Variants in PLCH1 observed in about 807,000 individuals in gnomAD.
The protein encoded by PLCH1 is 1-phosphatidylinositol 4,5-bisphosphate phosphodiesterase eta-1.
In PLCH1, 60 loss-of-function variants were observed where a neutral mutation model predicts 126.7. That is an observed-to-expected ratio of 0.47 (90% CI 0.38 to 0.59). The LOEUF (loss-of-function observed/expected upper bound fraction) is 0.59. Ranked by LOEUF, PLCH1 falls within the 20% of genes least tolerant of loss-of-function variation. PLCH1 has a pLI of 0.00. For missense variants in PLCH1, 1,723 were observed against 2,040.0 expected, an observed-to-expected ratio of 0.84 and a Z score of 2.99; for synonymous variants, 719 against 734.9, an observed-to-expected ratio of 0.98 and a Z score of 0.35.
chr3:155,683,498 C>A (rs1314915357), intron 2 of PLCH1, among the ~76,000 whole-genome samples: 2 of 152,120 alleles, frequency 1.3e-5, no homozygotes, highest in African/African-American at 4.8e-5. Flanking sequence ...GAGCTTGCAG[C>A]CAGGGAACAC....
rs1173853158 is a variant in PLCH1, at chr3:155,480,814, A to T, written c.*154T>A. 1 of 649,826 alleles carries T rather than the reference A, an allele frequency of 1.5e-6. No individual in the cohort carries two copies. The highest frequency in any genetic ancestry group is 2.7e-6 in the Non-Finnish European group (1 of 375,562). 40.3% of individuals were successfully genotyped at this position (649,826 alleles called of 1,614,324 possible). A position where few individuals can be genotyped will look rare whatever the true frequency, so the allele number is the denominator to read the frequency against. ...TGTCACCAAATCTATATACAAACGC[A>T]TTAACAGGGAGAACACATGAAGTCA... On this transcript the variant is annotated 3_prime_UTR_variant, in exon 23 of 23. Transcript: ENST00000460012.
chr3:155,725,626 G>C (rs1748263155), intron 1 of PLCH1, among the ~76,000 whole-genome samples: 1 of 151,974 alleles, frequency 6.6e-6, no homozygotes, highest in African/African-American at 2.4e-5. Context: ...TTTTAGTAGA[G>C]ACGGGGTTTC....
chr3:155,517,370 T>A (rs77662671), intron 11 of PLCH1, among the ~76,000 whole-genome samples: 1 of 152,140 alleles, frequency 6.6e-6, no homozygotes, highest in African/African-American at 2.4e-5. Context: ...AAACCTGATA[T>A]CTTAAAACAA....
At chr3:155,660,594 C>T (rs766405566) in intron 2 of PLCH1, among the ~76,000 whole-genome samples, 6 of 152,202 alleles carry the variant, frequency 3.9e-5, no homozygotes, top group Non-Finnish European at 8.8e-5. Context: ...AGTGATCTAA[C>T]TACAGCTGCT....
chr3:155,638,574 C>T (rs1000833663), intron 2 of PLCH1, among the ~76,000 whole-genome samples: 1 of 152,190 alleles, frequency 6.6e-6, no homozygotes, highest in Admixed American at 6.5e-5. Flanking sequence ...TATGATTTTT[C>T]TGATTTTTCT....
chr3:155,513,472 A>G (rs912488134), intron 12 of PLCH1, among the ~76,000 whole-genome samples: 1 of 152,138 alleles, frequency 6.6e-6, no homozygotes, highest in Non-Finnish European at 1.5e-5. Flanking sequence ...TGGGGCAAAG[A>G]CTTCTCCAAA....
At chr3:155,638,816 T>A (rs1193828411) in intron 2 of PLCH1, among the ~76,000 whole-genome samples, 1 of 152,194 alleles carries the variant, frequency 6.6e-6, no homozygotes, top group Non-Finnish European at 1.5e-5. Context: ...CTAGAATGAG[T>A]AAACCTTCTG....
chr3:155,491,106 T>C (rs1483268713), intron 18 of PLCH1, among the ~76,000 whole-genome samples: 1 of 152,202 alleles, frequency 6.6e-6, no homozygotes, highest in East Asian at 1.9e-4. Flanking sequence ...CCACTGAACC[T>C]ACAACTTTAG....
At chr3:155,574,682 C>T (rs990687017) in intron 6 of PLCH1, among the ~76,000 whole-genome samples, 2 of 152,210 alleles carry the variant, frequency 1.3e-5, no homozygotes, top group Non-Finnish European at 2.9e-5. Context: ...AAACTAGCTA[C>T]CTCTAATTCA....
At chr3:155,743,592 T>G (rs1169740509) in intron 1 of PLCH1, 4 of 446,310 alleles carry the variant, frequency 9.0e-6, no homozygotes, top group South Asian at 6.3e-5. Flanking sequence ...TGTTAAGGCT[T>G]CTTGAAGCAT....
rs148631757 is a variant in PLCH1, at chr3:155,533,467, A to G, written c.1363-9463T>C. On this transcript the variant is annotated intron_variant, in intron 10 of 22. Coordinates refer to ENST00000460012, the MANE Select transcript of PLCH1 (RefSeq NM_014996.4). ...AGGCTGAGGCAGGAGAATTGCTTGA[A>G]CTCAGGAGGCGGAGGTTGCAGTAAG... Among the ~76,000 whole-genome samples the G allele has an allele frequency of 2.6e-5, 4 of 152,182 alleles. No homozygotes were observed. In the East Asian group the frequency reaches 5.8e-4, roughly 22 times the overall value.
At chr3:155,534,543 A>G (rs1723103767) in intron 10 of PLCH1, among the ~76,000 whole-genome samples, 1 of 152,190 alleles carries the variant, frequency 6.6e-6, no homozygotes, top group African/African-American at 2.4e-5. Context: ...TTTTGGGTTA[A>G]GCCTGGAAAG....
intron 2 of PLCH1, among the ~76,000 whole-genome samples, chr3:155,629,021 T>C (rs1205927495): frequency 6.6e-6 from 1 of 152,214 alleles, no homozygotes; most frequent in African/African-American, 2.4e-5. Flanking sequence ...TGGAGTCACT[T>C]CTCAGTCACA....
At chr3:155,706,824 T>G (rs553003992) in intron 1 of PLCH1, among the ~76,000 whole-genome samples, 1 of 152,162 alleles carries the variant, frequency 6.6e-6, no homozygotes, top group African/African-American at 2.4e-5. Context: ...ATGCTTGCAT[T>G]GGAACCCAGC....
intron 2 of PLCH1, among the ~76,000 whole-genome samples, chr3:155,682,498 C>T (rs1406229541): frequency 6.6e-6 from 1 of 152,218 alleles, no homozygotes; most frequent in Non-Finnish European, 1.5e-5. Flanking sequence ...ATTACAATCT[C>T]ATCAATCCTA....
At chr3:155,523,129 C>A (rs557654308) in intron 11 of PLCH1, among the ~76,000 whole-genome samples, 5 of 152,046 alleles carry the variant, frequency 3.3e-5, no homozygotes, top group Non-Finnish European at 7.3e-5. Context: ...CGCCCACCAC[C>A]ACGCCCGGCT....
chr3:155,714,626 T>C (rs374887547), intron 1 of PLCH1, among the ~76,000 whole-genome samples: 1 of 152,236 alleles, frequency 6.6e-6, no homozygotes, highest in African/African-American at 2.4e-5. Context: ...TTTTCTCTAA[T>C]GCAATCAGGA....
chr3:155,570,361 T>C (rs998777744), intron 6 of PLCH1, among the ~76,000 whole-genome samples: 2 of 152,170 alleles, frequency 1.3e-5, no homozygotes, highest in African/African-American at 4.8e-5. Flanking sequence ...TAGAGAGAAA[T>C]AGGAATTTCT....
intron 4 of PLCH1, 144 bp downstream of exon 4, chr3:155,593,797 G>A (rs1732516868): frequency 1.4e-6 from 1 of 720,402 alleles, no homozygotes; most frequent in African/African-American, 1.8e-5. Flanking sequence ...GAGTCAGGAG[G>A]GGAGAAGACG....
Sources: gnomAD v4.1 joint callset for allele counts (sites outside exome capture counted in the v4.1 genomes callset) on GRCh38, gnomAD v4.1.1 for gene constraint, MANE v1.5 for transcripts, NCBI Gene and HGNC (gene_info 2026-07-23, HGNC 2026-07-21) for gene names.